Variants in PRKCB observed in about 807,000 individuals in gnomAD.
PRKCB encodes the protein protein kinase C beta type.
Under a neutral mutation model 81.5 loss-of-function variants are expected in PRKCB, and 13 were observed. The ratio of observed to expected loss-of-function variants is 0.16; its 90% CI spans 0.10 to 0.25. PRKCB has a LOEUF of 0.25. PRKCB is among the 10% of genes least tolerant of loss of function. The pLI is 1.00. For missense variants in PRKCB, 509 were observed against 875.7 expected, an observed-to-expected ratio of 0.58 and a Z score of 5.29; for synonymous variants, 335 against 321.4, an observed-to-expected ratio of 1.04 and a Z score of -0.45.
intron 5 of PRKCB, among the ~76,000 whole-genome samples, chr16:24,057,523 G>A (rs1965919281): frequency 6.6e-6 from 1 of 152,112 alleles, no homozygotes; most frequent in Non-Finnish European, 1.5e-5. Context: ...GCTAGATACT[G>A]GATGGCTGTA....
intron 2 of PRKCB, among the ~76,000 whole-genome samples, chr16:23,850,621 T>C (rs1360547617): frequency 6.6e-6 from 1 of 152,202 alleles, no homozygotes; most frequent in Non-Finnish European, 1.5e-5. Context: ...TGCCTTGGCC[T>C]TCCAAAGTGC....
chr16:24,173,712 C>G (rs1351054653), intron 11 of PRKCB, among the ~76,000 whole-genome samples: 1 of 152,046 alleles, frequency 6.6e-6, no homozygotes, highest in Admixed American at 6.5e-5. Context: ...TCTCTTGAAA[C>G]CTCTTTCTTT....
At chr16:24,095,846 G>A (rs1045795898) in intron 7 of PRKCB, among the ~76,000 whole-genome samples, 1 of 151,896 alleles carries the variant, frequency 6.6e-6, no homozygotes, top group African/African-American at 2.4e-5. Context: ...GGGGGTCATT[G>A]GGAAAGTTGC....
intron 2 of PRKCB, among the ~76,000 whole-genome samples, chr16:23,932,559 A>G (rs892658124): frequency 2.0e-5 from 3 of 152,230 alleles, no homozygotes; most frequent in African/African-American, 7.2e-5. Context: ...ACTGGGAGTT[A>G]GCATTCAGAA....
intron 2 of PRKCB, among the ~76,000 whole-genome samples, chr16:23,976,965 CT>C (rs1314695446): frequency 6.6e-6 from 1 of 152,300 alleles, no homozygotes; most frequent in East Asian, 1.9e-4. Context: ...TTTTATCTTG[CT>C]TAGTTAAATA....
intron 5 of PRKCB, among the ~76,000 whole-genome samples, chr16:24,077,011 C>G (rs1250422057): frequency 6.6e-6 from 1 of 152,186 alleles, no homozygotes; most frequent in East Asian, 1.9e-4. Flanking sequence ...CCCACAGTCC[C>G]AGCTGCTCCC....
chr16:23,927,021 C>CAG (rs1347092511), intron 2 of PRKCB, among the ~76,000 whole-genome samples: 2 of 152,158 alleles, frequency 1.3e-5, no homozygotes, highest in African/African-American at 4.8e-5. Context: ...GTGAACACAA[C>CAG]AGGCGTAGCC....
intron 16 of PRKCB, among the ~76,000 whole-genome samples, chr16:24,200,065 C>T (rs1022469704): frequency 6.6e-6 from 1 of 152,128 alleles, no homozygotes; most frequent in Non-Finnish European, 1.5e-5. Flanking sequence ...TTTTATAATT[C>T]GTTGTCAGGA....
chr16:24,182,529 A>G (rs147996196), intron 13 of PRKCB, among the ~76,000 whole-genome samples: 2 of 151,918 alleles, frequency 1.3e-5, no homozygotes, highest in East Asian at 3.9e-4. Context: ...TCAAAAAAAG[A>G]AAGAAAGAAA....
intron 16 of PRKCB, among the ~76,000 whole-genome samples, chr16:24,209,518 C>T (rs1010765097): frequency 1.3e-5 from 2 of 152,156 alleles, no homozygotes; most frequent in Non-Finnish European, 2.9e-5. Flanking sequence ...ATCTCCTCCT[C>T]GTGTTCCTCT....
At chr16:23,848,490 G>A (rs944262139) in intron 2 of PRKCB, among the ~76,000 whole-genome samples, 10 of 152,088 alleles carry the variant, frequency 6.6e-5, no homozygotes, top group African/African-American at 2.4e-4. Flanking sequence ...TTTTGAGGGT[G>A]GTTACTAGTT....
intron 16 of PRKCB, among the ~76,000 whole-genome samples, chr16:24,197,529 A>C (rs1967897564): frequency 6.6e-6 from 1 of 152,160 alleles, no homozygotes; most frequent in Admixed American, 6.5e-5. Flanking sequence ...AGAGAGGCCA[A>C]AGGAAAGCAC....
At chr16:23,936,351 C>A (rs991522594) in intron 2 of PRKCB, among the ~76,000 whole-genome samples, 2 of 152,116 alleles carry the variant, frequency 1.3e-5, no homozygotes, top group African/African-American at 4.8e-5. Context: ...GTCCACCCCA[C>A]GTCTAGAAGA....
At chr16:24,208,667 GGCAGGT>G (rs927740375) in intron 16 of PRKCB, among the ~76,000 whole-genome samples, 2 of 152,046 alleles carry the variant, frequency 1.3e-5, no homozygotes, top group Middle Eastern at 3.2e-3. Context: ...AAGCCAGAGA[GGCAGGT>G]GCAATCCATG....
chr16:24,193,784 C>T (rs1379479024), intron 16 of PRKCB, among the ~76,000 whole-genome samples: 1 of 152,054 alleles, frequency 6.6e-6, no homozygotes. Context: ...GAGATCGATG[C>T]AAGCCAGAGA....
At chr16:23,958,594 C>T (rs1396607028) in intron 2 of PRKCB, among the ~76,000 whole-genome samples, 1 of 152,134 alleles carries the variant, frequency 6.6e-6, no homozygotes, top group South Asian at 2.1e-4. Context: ...TGAGCCACTG[C>T]GCCCAGCCTC....
intron 9 of PRKCB, among the ~76,000 whole-genome samples, chr16:24,153,876 G>A (rs1967114052): frequency 6.6e-6 from 1 of 152,170 alleles, no homozygotes; most frequent in Non-Finnish European, 1.5e-5. Context: ...CTTTATTGCT[G>A]TATCCCCAGT....
At chr16:23,868,788 T>C (rs1597217873) in intron 2 of PRKCB, among the ~76,000 whole-genome samples, 1 of 152,198 alleles carries the variant, frequency 6.6e-6, no homozygotes, top group Admixed American at 6.5e-5. Flanking sequence ...CTGCCAAGGG[T>C]ACCCATCTCA....
chr16:24,185,781 G>A (rs1967695146), intron 15 of PRKCB, among the ~76,000 whole-genome samples: 1 of 152,216 alleles, frequency 6.6e-6, no homozygotes, highest in African/African-American at 2.4e-5. Flanking sequence ...AGAGCTGCCT[G>A]CAGCTGCGTC....
Sources: gnomAD v4.1 joint callset for allele counts (sites outside exome capture counted in the v4.1 genomes callset) on GRCh38, gnomAD v4.1.1 for gene constraint, MANE v1.5 for transcripts, NCBI Gene and HGNC (gene_info 2026-07-23, HGNC 2026-07-21) for gene names.